C16orf74: variants seen among roughly 807,000 people sequenced by gnomAD.
C16orf74 encodes uncharacterized protein C16orf74.
Under a neutral mutation model 6.5 loss-of-function variants are expected in C16orf74, and 10 were observed. The observed-to-expected ratio is 1.54, with a 90% CI of 0.95 to 2.61. C16orf74 has a LOEUF of 2.61. Ranked by LOEUF, C16orf74 falls within the 30% of genes most tolerant of loss-of-function variation. The pLI is 0.00. For synonymous variants in C16orf74, 60 were observed against 42.5 expected (o/e 1.41, Z -1.60); for missense variants, 141 against 105.9 (o/e 1.33, Z -1.45).
At chr16:85,744,757 G>A (rs1449375146) in intron 1 of C16orf74, among the ~76,000 whole-genome samples, 7 of 148,382 alleles carry the variant, frequency 4.7e-5, no homozygotes, top group Non-Finnish European at 7.4e-5. Flanking sequence ...GTCAGCCCAC[G>A]AGGCAGAGCT....
intron 2 of C16orf74, among the ~76,000 whole-genome samples, chr16:85,726,814 G>A (rs1367571093): frequency 6.6e-6 from 1 of 152,100 alleles, no homozygotes; most frequent in Non-Finnish European, 1.5e-5. Flanking sequence ...ATCCTCTCCG[G>A]CGTTGTGGCC....
intron 2 of C16orf74, among the ~76,000 whole-genome samples, chr16:85,716,318 A>C (rs2054022868): frequency 3.6e-5 from 4 of 111,334 alleles, no homozygotes; most frequent in Admixed American, 1.9e-4. Flanking sequence ...AGAGGGAGGG[A>C]GGAGTAAGTT....
At chr16:85,745,815 G>A (rs1273047801) in intron 1 of C16orf74, among the ~76,000 whole-genome samples, 4 of 151,950 alleles carry the variant, frequency 2.6e-5, no homozygotes, top group Non-Finnish European at 5.9e-5. Context: ...AGAATCTCCC[G>A]CTGGCTGGAG....
intron 1 of C16orf74, among the ~76,000 whole-genome samples, chr16:85,741,383 G>GGGAA (rs2054305611): frequency 6.6e-6 from 1 of 152,152 alleles, no homozygotes; most frequent in African/African-American, 2.4e-5. Context: ...AAACACACAG[G>GGGAA]GGAAGGAAGG....
chr16:85,714,762 G>C (rs1413526465), intron 2 of C16orf74, among the ~76,000 whole-genome samples: 1 of 151,918 alleles, frequency 6.6e-6, no homozygotes, highest in East Asian at 1.9e-4. Flanking sequence ...TTTGAGGGAA[G>C]AGGCCACCTC....
chr16:85,745,266 C>T, intron 1 of C16orf74, among the ~76,000 whole-genome samples: 1 of 152,052 alleles, frequency 6.6e-6, no homozygotes, highest in East Asian at 1.9e-4. Context: ...TCCACCCCCT[C>T]CTGAGGGGTG....
intron 1 of C16orf74, among the ~76,000 whole-genome samples, chr16:85,749,473 G>A (rs1203841592): frequency 6.6e-6 from 1 of 151,914 alleles, no homozygotes; most frequent in African/African-American, 2.4e-5. Flanking sequence ...AGTAGCTGGG[G>A]GGACTCACTG....
intron 2 of C16orf74, among the ~76,000 whole-genome samples, chr16:85,734,196 G>C (rs900980609): frequency 1.3e-5 from 2 of 152,214 alleles, no homozygotes; most frequent in African/African-American, 4.8e-5. Flanking sequence ...ATTTGACGAA[G>C]GAAATAGTAC....
At chr16:85,737,354 C>G (rs2054256164) in intron 1 of C16orf74, among the ~76,000 whole-genome samples, 1 of 152,148 alleles carries the variant, frequency 6.6e-6, no homozygotes, top group Non-Finnish European at 1.5e-5. Flanking sequence ...ACACTACAGC[C>G]AAGAAGAGCT....
intron 2 of C16orf74, among the ~76,000 whole-genome samples, chr16:85,718,686 T>C (rs1210907008): frequency 6.6e-6 from 1 of 152,252 alleles, no homozygotes; most frequent in Non-Finnish European, 1.5e-5. Context: ...TGATTCTATA[T>C]GCGTTTTGTG....
At chr16:85,729,090 T>A (rs970529730) in intron 2 of C16orf74, among the ~76,000 whole-genome samples, 1 of 152,128 alleles carries the variant, frequency 6.6e-6, no homozygotes, top group African/African-American at 2.4e-5. Flanking sequence ...TGCTGGAACC[T>A]GGAGAGGGCG....
intron 2 of C16orf74, among the ~76,000 whole-genome samples, chr16:85,723,259 CAA>C (rs5818553): frequency 2.1e-3 from 125 of 60,100 alleles, no homozygotes; most frequent in Middle Eastern, 0.012. Flanking sequence ...GACTCCATCT[CAA>C]AAAAAAAAAA....
At chr16:85,725,902 C>T (rs2054128264) in intron 2 of C16orf74, among the ~76,000 whole-genome samples, 1 of 152,176 alleles carries the variant, frequency 6.6e-6, no homozygotes, top group Non-Finnish European at 1.5e-5. Flanking sequence ...GCCTGTATTA[C>T]TCTGAAGTTC....
At chr16:85,722,381 C>A (rs929620122) in intron 2 of C16orf74, among the ~76,000 whole-genome samples, 3 of 152,202 alleles carry the variant, frequency 2.0e-5, no homozygotes, top group African/African-American at 7.2e-5. Flanking sequence ...CTGGGAGTAT[C>A]CCAGGGGAAC....
At chr16:85,723,923 G>A (rs1431427628) in intron 2 of C16orf74, among the ~76,000 whole-genome samples, 1 of 152,220 alleles carries the variant, frequency 6.6e-6, no homozygotes, top group African/African-American at 2.4e-5. Context: ...CCTGGCCCAG[G>A]ATAACTAGGC....
chr16:85,722,862 G>A (rs11639661), intron 2 of C16orf74, among the ~76,000 whole-genome samples: 12,803 of 152,302 alleles, frequency 0.084, 726 homozygotes, highest in Non-Finnish European at 0.13. Flanking sequence ...CGGTGCCAGT[G>A]CCTTCACAGG....
chr16:85,738,749 C>T (rs539182759), intron 1 of C16orf74, among the ~76,000 whole-genome samples: 129 of 151,888 alleles, frequency 8.5e-4, no homozygotes, highest in African/African-American at 3.1e-3. Context: ...GGACGGAGGG[C>T]CCAGGCCTGT....
At chr16:85,708,092 T>G in intron 3 of C16orf74, 26 bp from the exon 4 acceptor site, 4 of 1,541,588 alleles carry the variant, frequency 2.6e-6, no homozygotes, top group Non-Finnish European at 3.5e-6. Flanking sequence ...GATGGACACC[T>G]GGATGCACCC....
intron 2 of C16orf74, among the ~76,000 whole-genome samples, chr16:85,722,832 C>A (rs1019041768): frequency 6.6e-6 from 1 of 152,238 alleles, no homozygotes; most frequent in African/African-American, 2.4e-5. Flanking sequence ...TCTATGAACG[C>A]CTATGTGCAC....
Sources: gnomAD v4.1 joint callset for allele counts (sites outside exome capture counted in the v4.1 genomes callset) on GRCh38, gnomAD v4.1.1 for gene constraint, MANE v1.5 for transcripts, NCBI Gene and HGNC (gene_info 2026-07-23, HGNC 2026-07-21) for gene names.